Variants in LRRFIP2 observed in about 807,000 individuals in gnomAD.
The protein encoded by LRRFIP2 is leucine-rich repeat flightless-interacting protein 2.
Under a neutral mutation model 125.9 loss-of-function variants are expected in LRRFIP2, and 109 were observed. That is an observed-to-expected ratio of 0.87 (90% CI 0.74 to 1.01). The LOEUF is 1.01. Ranked by LOEUF, LRRFIP2 falls within the 50% of genes least tolerant of loss-of-function variation. The pLI, the probability that LRRFIP2 is intolerant of heterozygous loss-of-function variation, is 0.00. For missense variants in LRRFIP2, 850 were observed against 862.3 expected (o/e 0.99, Z 0.18); for synonymous variants, 291 against 293.1 (o/e 0.99, Z 0.07).
At chr3:37,058,658 G>A (rs1018947958) in intron 25 of LRRFIP2, 132 bp downstream of exon 25, 2 of 905,974 alleles carry the variant, frequency 2.2e-6, no homozygotes, top group South Asian at 1.7e-5. Flanking sequence ...CTGGGTGACA[G>A]AGTGAGACTC....
intron 13 of LRRFIP2, among the ~76,000 whole-genome samples, chr3:37,107,000 G>A (rs2094358402): frequency 6.6e-6 from 1 of 151,820 alleles, no homozygotes; most frequent in Non-Finnish European, 1.5e-5. Flanking sequence ...CACCTCCCGG[G>A]TTCAAGCAAT....
chr3:37,088,343 C>T (rs1304484836), intron 18 of LRRFIP2, among the ~76,000 whole-genome samples: 1 of 152,060 alleles, frequency 6.6e-6, no homozygotes, highest in Admixed American at 6.6e-5. Flanking sequence ...TCTCCTTATT[C>T]TTACTGTCCT....
chr3:37,168,459 G>A (rs2096539632), intron 1 of LRRFIP2, among the ~76,000 whole-genome samples: 1 of 152,120 alleles, frequency 6.6e-6, no homozygotes, highest in Non-Finnish European at 1.5e-5. Flanking sequence ...TTTATACGAG[G>A]TACCTGGAGT....
intron 1 of LRRFIP2, among the ~76,000 whole-genome samples, chr3:37,158,890 T>TTA (rs1378846574): frequency 2.6e-5 from 4 of 152,200 alleles, no homozygotes; most frequent in Non-Finnish European, 5.9e-5. Flanking sequence ...AAGGCACTAT[T>TTA]TATATAGCAC....
chr3:37,139,429 T>C (rs2095635940), intron 2 of LRRFIP2, among the ~76,000 whole-genome samples: 1 of 152,216 alleles, frequency 6.6e-6, no homozygotes, highest in Non-Finnish European at 1.5e-5. Flanking sequence ...GTTCAGCACT[T>C]CTTTCATTAT....
At chr3:37,176,282 G>C (rs1578244375), upstream of LRRFIP2, 1 of 152,400 alleles carries the variant, frequency 6.6e-6, no homozygotes, top group East Asian at 1.9e-4. Flanking sequence ...GAGACAGCGG[G>C]AACCGGCCCC....
chr3:37,173,524 A>G (rs189656335), intron 1 of LRRFIP2, among the ~76,000 whole-genome samples: 1 of 152,346 alleles, frequency 6.6e-6, no homozygotes, highest in Non-Finnish European at 1.5e-5. Flanking sequence ...CATTTTCCCT[A>G]TTAAAGGACC....
chr3:37,127,576 C>T, intron 4 of LRRFIP2, 54 bp downstream of exon 4: 8 of 1,557,598 alleles, frequency 5.1e-6, no homozygotes, highest in Non-Finnish European at 7.1e-6. Flanking sequence ...TACTTCAAGA[C>T]TGCATTATTT....
intron 13 of LRRFIP2, among the ~76,000 whole-genome samples, chr3:37,106,009 G>C (rs1172220696): frequency 1.3e-5 from 2 of 152,134 alleles, no homozygotes; most frequent in African/African-American, 2.4e-5. Context: ...AGGTTGCAGT[G>C]AGCCAAGATC....
intron 2 of LRRFIP2, among the ~76,000 whole-genome samples, chr3:37,145,940 GC>G (rs2095847147): frequency 6.6e-6 from 1 of 152,160 alleles, no homozygotes; most frequent in South Asian, 2.1e-4. Context: ...AAAACTGACT[GC>G]AGATTTTATA....
intron 8 of LRRFIP2, among the ~76,000 whole-genome samples, chr3:37,111,512 C>A (rs1203763396): frequency 1.3e-5 from 2 of 152,102 alleles, no homozygotes; most frequent in Admixed American, 6.5e-5. Flanking sequence ...AGAGAGAGTA[C>A]GATAAATATG....
At chr3:37,057,853 C>T (rs950574531) in intron 25 of LRRFIP2, among the ~76,000 whole-genome samples, 8 of 152,154 alleles carry the variant, frequency 5.3e-5, no homozygotes, top group African/African-American at 1.9e-4. Context: ...TGAAATCTTC[C>T]TACTATGGGA....
At chr3:37,074,058 AATT>A (rs1212598895) in intron 20 of LRRFIP2, among the ~76,000 whole-genome samples, 1 of 152,222 alleles carries the variant, frequency 6.6e-6, no homozygotes, top group Non-Finnish European at 1.5e-5. Context: ...GAGTATGTTC[AATT>A]ATTCTTAATG....
intron 6 of LRRFIP2, among the ~76,000 whole-genome samples, chr3:37,115,304 C>G (rs1240485029): frequency 6.6e-6 from 1 of 152,108 alleles, no homozygotes; most frequent in Admixed American, 6.5e-5. Flanking sequence ...TATGTATATT[C>G]AAAACTGTAT....
chr3:37,122,227 T>C (rs565793540), intron 4 of LRRFIP2, among the ~76,000 whole-genome samples: 1 of 152,042 alleles, frequency 6.6e-6, no homozygotes, highest in East Asian at 1.9e-4. Flanking sequence ...TTCATCCATG[T>C]CCCTACAAAG....
chr3:37,076,929 C>T (rs904396259), intron 19 of LRRFIP2, among the ~76,000 whole-genome samples: 7 of 151,928 alleles, frequency 4.6e-5, no homozygotes, highest in East Asian at 3.9e-4. Flanking sequence ...TAATAAGCTA[C>T]GGAAACGGAC....
chr3:37,063,544 A>C (rs993697114), intron 24 of LRRFIP2, among the ~76,000 whole-genome samples, 198 bp downstream of exon 24: 1 of 152,244 alleles, frequency 6.6e-6, no homozygotes, highest in Non-Finnish European at 1.5e-5. Flanking sequence ...ATGACTCCTT[A>C]AACTATGTGT....
Position 37,091,552 on chromosome 3 carries a change from G to A in LRRFIP2, c.1036-14C>T, listed in dbSNP as rs756146008. 5.1e-6 allele frequency: 8 copies of A among 1,578,918 alleles called. No individual in the cohort carries two copies. The South Asian group carries it at 8.0e-5, about 16-fold the overall frequency. ...GTCATAGATATCCTGCAGGACATAG[G>A]AATGAACCATTGCATAAAACCATGC... On this transcript the variant is annotated splice_polypyrimidine_tract_variant and intron_variant, in intron 17 of 27. Transcript: ENST00000336686.
chr3:37,166,147 T>C (rs11917563), intron 1 of LRRFIP2, among the ~76,000 whole-genome samples: 53,395 of 151,768 alleles, frequency 0.35, 10,560 homozygotes, highest in Non-Finnish European at 0.45. Flanking sequence ...CTGGCCAACA[T>C]GGTGAAAACC....
Sources: allele counts gnomAD v4.1 joint callset (sites outside exome capture counted in the v4.1 genomes callset), GRCh38; gene constraint gnomAD v4.1.1; transcripts MANE v1.5; gene names NCBI Gene and HGNC (gene_info 2026-07-23, HGNC 2026-07-21).